The following STK39 variants were observed in gnomAD, a reference collection of about 807,000 sequenced individuals.
STK39 encodes STE20/SPS1-related proline-alanine-rich protein kinase.
In STK39, 20 loss-of-function variants were observed where a neutral mutation model predicts 77.8. The ratio of observed to expected loss-of-function variants is 0.26; its 90% CI spans 0.18 to 0.37. The LOEUF is 0.37. Among genes scored for constraint, STK39 ranks in the 10% least tolerant of loss-of-function variants. STK39 has a pLI of 1.00. For missense variants in STK39, 479 were observed against 656.5 expected, an observed-to-expected ratio of 0.73 and a Z score of 2.95; for synonymous variants, 246 against 234.1, an observed-to-expected ratio of 1.05 and a Z score of -0.47.
rs1281421494 is a variant in STK39 at position 168,065,578 on chromosome 2, C to CT, written c.1243-198_1243-197insA. On this transcript the variant is annotated intron_variant, in intron 12 of 17. Coordinates refer to ENST00000355999, the MANE Select transcript of STK39 (RefSeq NM_013233.3). Reference sequence around the variant, plus strand: ...TTAAAGACCCCTAGGCCCCTCCTGGCCTGTGACTCAGAATTCCACAGAGAT... The same window carrying CT: ...TTAAAGACCCCTAGGCCCCTCCTGGCTCTGTGACTCAGAATTCCACAGAGAT... Among the ~76,000 whole-genome samples, 3 of 152,156 alleles carry CT rather than the reference C, an allele frequency of 2.0e-5. No individual in the cohort carries two copies. The East Asian group carries it at 5.8e-4, about 29-fold the overall frequency.
intron 14 of STK39, among the ~76,000 whole-genome samples, chr2:168,050,531 T>C (rs1249127953): frequency 6.6e-6 from 1 of 152,182 alleles, no homozygotes; most frequent in Non-Finnish European, 1.5e-5. Flanking sequence ...AGAAGCCTCC[T>C]GGTGGTCAGA....
intron 10 of STK39, among the ~76,000 whole-genome samples, chr2:168,099,615 C>G (rs756025642): frequency 6.6e-6 from 1 of 152,194 alleles, no homozygotes; most frequent in African/African-American, 2.4e-5. Context: ...ACATGTTTTT[C>G]AGGTTGTGAC....
At chr2:168,169,631 CGTGTGTGTGTGT>C (rs10611769) in intron 2 of STK39, among the ~76,000 whole-genome samples, 1 of 145,828 alleles carries the variant, frequency 6.9e-6, no homozygotes, top group Non-Finnish European at 1.5e-5. Flanking sequence ...TTGCAGTGAG[CGTGTGTGTGTGT>C]GTGTGTGTGT....
At chr2:168,117,774 G>C (rs922393372) in intron 10 of STK39, among the ~76,000 whole-genome samples, 36 of 152,114 alleles carry the variant, frequency 2.4e-4, no homozygotes, top group Non-Finnish European at 1.3e-4. Flanking sequence ...CCGTGGCTGA[G>C]AGAAAGCCTG....
intron 14 of STK39, among the ~76,000 whole-genome samples, chr2:168,054,037 G>A (rs542284070): frequency 8.5e-5 from 13 of 152,312 alleles, no homozygotes; most frequent in African/African-American, 3.1e-4. Context: ...TCTATTTGCA[G>A]CAGCATCTTT....
intron 14 of STK39, among the ~76,000 whole-genome samples, chr2:168,030,233 C>G (rs1238952296): frequency 2.0e-5 from 3 of 152,122 alleles, no homozygotes; most frequent in Admixed American, 2.0e-4. Flanking sequence ...GAGCGAGACT[C>G]TGTCTCAAAA....
intron 14 of STK39, among the ~76,000 whole-genome samples, chr2:168,053,226 T>C (rs1205005183): frequency 1.3e-5 from 2 of 152,236 alleles, no homozygotes; most frequent in Non-Finnish European, 2.9e-5. Context: ...TTTTGGTGCA[T>C]TCAATCCAAA....
At chr2:168,213,660 T>A (rs966466626) in intron 1 of STK39, among the ~76,000 whole-genome samples, 5 of 148,290 alleles carry the variant, frequency 3.4e-5, no homozygotes, top group African/African-American at 1.3e-4. Flanking sequence ...CACTCCAGCT[T>A]AGCCTGGGTG....
intron 10 of STK39, among the ~76,000 whole-genome samples, chr2:168,099,546 G>A (rs1440487244): frequency 6.6e-6 from 1 of 152,146 alleles, no homozygotes; most frequent in Non-Finnish European, 1.5e-5. Flanking sequence ...CATAGTATTT[G>A]TCAATAACCT....
chr2:168,172,968 G>A (rs1293440901), intron 2 of STK39, among the ~76,000 whole-genome samples: 1 of 152,176 alleles, frequency 6.6e-6, no homozygotes, highest in African/African-American at 2.4e-5. Context: ...CGGCCCCAGG[G>A]AGGCTGCTGT....
intron 2 of STK39, among the ~76,000 whole-genome samples, chr2:168,176,805 T>C (rs1688966629): frequency 6.6e-6 from 1 of 152,310 alleles, no homozygotes; most frequent in Non-Finnish European, 1.5e-5. Flanking sequence ...TCTATGAATT[T>C]ACAGTAGATT....
chr2:168,247,482 T>C lies in STK39; in HGVS notation c.-47A>G, dbSNP rs1256199932. 7.9e-7 allele frequency: 1 copy of C among 1,269,890 alleles called. No individual in the cohort carries two copies. The highest frequency in any genetic ancestry group is 1.7e-5 in the South Asian group (1 of 57,958). The allele number at this position is 1,269,890 out of a possible 1,614,324, so 78.7% of individuals were successfully genotyped here. On this transcript the variant is annotated 5_prime_UTR_variant, in exon 1 of 18. Coordinates refer to ENST00000355999, the MANE Select transcript of STK39 (RefSeq NM_013233.3). ...AGGACGCGCCGGCCGACGGACGACC[T>C]TCCACTTGAAACTTCCTTTGCCTCG...
chr2:168,167,495 ACTTTC>A (rs1688719869), intron 2 of STK39, 88 bp from the exon 3 acceptor site: 3 of 1,180,904 alleles, frequency 2.5e-6, no homozygotes, highest in Non-Finnish European at 3.7e-6. Flanking sequence ...TACCTGGGTA[ACTTTC>A]CTACTCGAAA....
intron 1 of STK39, among the ~76,000 whole-genome samples, chr2:168,242,560 A>AATATATAT (rs59941306): frequency 4.5e-5 from 2 of 44,852 alleles, no homozygotes; most frequent in Admixed American, 2.6e-4. Context: ...AAAAAAAAAA[A>AATATATAT]ATATATATAT....
chr2:168,152,175 A>G (rs1243299940), intron 5 of STK39, among the ~76,000 whole-genome samples: 2 of 152,230 alleles, frequency 1.3e-5, no homozygotes, highest in Non-Finnish European at 2.9e-5. Flanking sequence ...ATTAAATAAG[A>G]TAATTACACT....
At chr2:168,157,350 G>A (rs985047725) in intron 5 of STK39, among the ~76,000 whole-genome samples, 2 of 152,132 alleles carry the variant, frequency 1.3e-5, no homozygotes, top group African/African-American at 2.4e-5. Flanking sequence ...GGCTGCTTTC[G>A]CTCAGTACCA....
chr2:168,090,675 G>A (rs56285202), intron 10 of STK39, among the ~76,000 whole-genome samples: 3,448 of 152,214 alleles, frequency 0.023, 125 homozygotes, highest in African/African-American at 0.079. Flanking sequence ...AGGCTAAAAC[G>A]TAAGACACAG....
chr2:168,184,047 C>T (rs1161211390), intron 1 of STK39, among the ~76,000 whole-genome samples: 4 of 152,180 alleles, frequency 2.6e-5, no homozygotes. Flanking sequence ...AATCTCCCCC[C>T]AGCTCAGCTT....
chr2:168,181,872 G>A (rs1332060889), intron 2 of STK39, 106 bp downstream of exon 2: 9 of 882,716 alleles, frequency 1.0e-5, no homozygotes, highest in Non-Finnish European at 1.6e-5. Flanking sequence ...TCCAAGAAAT[G>A]CATATGTCAA....
Sources: gnomAD v4.1 joint callset for allele counts (sites outside exome capture counted in the v4.1 genomes callset) on GRCh38, gnomAD v4.1.1 for gene constraint, MANE v1.5 for transcripts, NCBI Gene and HGNC (gene_info 2026-07-23, HGNC 2026-07-21) for gene names.